The following MAF variants were observed in gnomAD, a reference collection of about 807,000 sequenced individuals.
The protein encoded by MAF is transcription factor Maf.
Under a neutral mutation model 22.0 loss-of-function variants are expected in MAF, and 10 were observed. The observed-to-expected ratio is 0.45, with a 90% CI of 0.28 to 0.77. The LOEUF (loss-of-function observed/expected upper bound fraction) is 0.77, where lower values mean the gene tolerates loss of function less well. Ranked by LOEUF, MAF falls within the 30% of genes least tolerant of loss-of-function variation. The pLI is 0.12. For synonymous variants in MAF, 337 were observed against 255.8 expected (o/e 1.32, Z -3.03); for missense variants, 544 against 548.4 (o/e 0.99, Z 0.08).
the MAF span, among the ~76,000 whole-genome samples, chr16:79,513,766 G>T: frequency 2.0e-5 from 3 of 152,272 alleles, no homozygotes; most frequent in East Asian, 5.8e-4. Flanking sequence ...CTGAGAACCT[G>T]GTGTGTAGGA....
At chr16:79,321,216 C>G in the MAF span, among the ~76,000 whole-genome samples, 1 of 152,166 alleles carries the variant, frequency 6.6e-6, no homozygotes, top group East Asian at 1.9e-4. Context: ...ACAGCGCAGT[C>G]TTGGGAGGTG....
chr16:79,473,380 C>A, the MAF span, among the ~76,000 whole-genome samples: 17 of 152,294 alleles, frequency 1.1e-4, no homozygotes, highest in Non-Finnish European at 2.1e-4. Context: ...ATTCAGGGTC[C>A]GTCCTAGAGG....
Position 79,599,481 on chromosome 16 carries a change from G to A in MAF, c.422C>T (p.Ala141Val), listed in dbSNP as rs562376619. 2.9e-6 allele frequency: 4 copies of A among 1,400,842 alleles called. No homozygotes were observed. The African/African-American group carries it at 4.6e-5, about 16-fold the overall frequency. 86.8% of individuals were successfully genotyped at this position (1,400,842 alleles called of 1,614,324 possible). A position where few individuals can be genotyped will look rare whatever the true frequency, so the allele number is the denominator to read the frequency against. The change falls in exon 1 of 2, where the codon GCG becomes GTG. Residue 141 changes from alanine to valine, a missense_variant. Coordinates refer to ENST00000326043, the MANE Select transcript of MAF (RefSeq NM_005360.5). ...YARGAQQLAA[A>V]AGAGAGASLG... The stretch of plus-strand genomic sequence containing the variant: ...GGAGGCGCCGGCACCGGCCCCGGCC[G>A]CCGCGGCCAGCTGCTGCGCCCCGCG...
chr16:79,388,723 A>T, the MAF span, among the ~76,000 whole-genome samples: 85 of 152,324 alleles, frequency 5.6e-4, no homozygotes, highest in Non-Finnish European at 1.2e-3. Flanking sequence ...GAAAATTTAG[A>T]CTATCTCCAA....
chr16:79,507,954 T>TG, the MAF span, among the ~76,000 whole-genome samples: 1 of 151,978 alleles, frequency 6.6e-6, no homozygotes, highest in Non-Finnish European at 1.5e-5. Context: ...TCTTTTTAAG[T>TG]GGGGGAAAGG....
the MAF span, among the ~76,000 whole-genome samples, chr16:79,436,657 T>C: frequency 1.3e-5 from 2 of 152,230 alleles, no homozygotes; most frequent in Non-Finnish European, 2.9e-5. Context: ...AAGGGCTTGT[T>C]GGTTGCAAAG....
the MAF span, among the ~76,000 whole-genome samples, chr16:79,542,523 G>T: frequency 1.3e-5 from 2 of 152,280 alleles, no homozygotes; most frequent in South Asian, 2.1e-4. Context: ...CATCTCTGAG[G>T]CCCTTGGATA....
chr16:79,313,297 GA>G, the MAF span, among the ~76,000 whole-genome samples: 2 of 152,096 alleles, frequency 1.3e-5, no homozygotes, highest in South Asian at 2.1e-4. Flanking sequence ...GAAGGGGGAA[GA>G]AAAAAAGTCC....
At chr16:79,422,956 G>A in the MAF span, among the ~76,000 whole-genome samples, 4 of 152,186 alleles carry the variant, frequency 2.6e-5, no homozygotes, top group Admixed American at 1.3e-4. Context: ...CAGGTGGAGT[G>A]ACAAAGTGCC....
At chr16:79,303,021 C>A in the MAF span, among the ~76,000 whole-genome samples, 1 of 152,210 alleles carries the variant, frequency 6.6e-6, no homozygotes, top group South Asian at 2.1e-4. Context: ...CTTCCATATG[C>A]ACCCAAACAT....
chr16:79,267,903 C>T, the MAF span, among the ~76,000 whole-genome samples: 2 of 152,042 alleles, frequency 1.3e-5, no homozygotes, highest in Non-Finnish European at 2.9e-5. Flanking sequence ...GGGGAATACT[C>T]CACCTGGCCC....
chr16:79,397,956 G>T, the MAF span, among the ~76,000 whole-genome samples: 1 of 152,136 alleles, frequency 6.6e-6, no homozygotes, highest in Non-Finnish European at 1.5e-5. Context: ...TTACCATGAA[G>T]GTAGTCACTA....
At chr16:79,220,470 T>C in the MAF span, among the ~76,000 whole-genome samples, 1 of 152,102 alleles carries the variant, frequency 6.6e-6, no homozygotes. Context: ...TACACCTTGA[T>C]ATATTTCAAA....
chr16:79,324,414 T>C, the MAF span, among the ~76,000 whole-genome samples: 1 of 152,146 alleles, frequency 6.6e-6, no homozygotes, highest in Non-Finnish European at 1.5e-5. Flanking sequence ...TGACTTTCAT[T>C]ATATTCGGAT....
chr16:79,266,471 A>G, the MAF span, among the ~76,000 whole-genome samples: 1 of 152,192 alleles, frequency 6.6e-6, no homozygotes. Flanking sequence ...TGTTATTATC[A>G]AAGTCAGAAA....
chr16:79,473,807 G>A, the MAF span, among the ~76,000 whole-genome samples: 1 of 152,120 alleles, frequency 6.6e-6, no homozygotes, highest in Non-Finnish European at 1.5e-5. Context: ...ATCTGGGTGA[G>A]GGCTTTAATG....
chr16:79,381,966 G>A, the MAF span, among the ~76,000 whole-genome samples: 3 of 152,142 alleles, frequency 2.0e-5, no homozygotes, highest in Admixed American at 6.5e-5. Flanking sequence ...CTGTTAAGAC[G>A]TCAAATGTGA....
chr16:79,562,377 C>T, the MAF span, among the ~76,000 whole-genome samples: 1 of 152,056 alleles, frequency 6.6e-6, no homozygotes, highest in South Asian at 2.1e-4. Context: ...TGATGTGACC[C>T]GTGAATGAAT....
chr16:79,425,238 T>A, the MAF span, among the ~76,000 whole-genome samples: 1 of 152,228 alleles, frequency 6.6e-6, no homozygotes, highest in Non-Finnish European at 1.5e-5. Context: ...TAATTTATCA[T>A]GATAGTATTG....
Sources: allele counts gnomAD v4.1 joint callset (sites outside exome capture counted in the v4.1 genomes callset), GRCh38; gene constraint gnomAD v4.1.1; transcripts MANE v1.5; gene names NCBI Gene and HGNC (gene_info 2026-07-23, HGNC 2026-07-21).